The following SRSF3 variants were observed in gnomAD, a reference collection of about 807,000 sequenced individuals.
SRSF3 encodes serine/arginine-rich splicing factor 3.
For missense variants in SRSF3, 58 were observed against 217.1 expected, an observed-to-expected ratio of 0.27 and a Z score of 4.61; for synonymous variants, 87 against 73.6, an observed-to-expected ratio of 1.18 and a Z score of -0.93.
chr6:36,603,851 A>T lies in SRSF3; in HGVS notation c.*1862A>T, dbSNP rs923638915. 1.3e-5 allele frequency: 3 copies of T among 231,462 alleles called. No homozygotes were observed. The South Asian group carries it at 5.4e-4, about 42-fold the overall frequency. The allele number at this position is 231,462 out of a possible 1,614,324, so 14.3% of individuals were successfully genotyped here. The stretch of plus-strand genomic sequence containing the variant: ...TTATGTGGGCATTTTTGGGCAGTAT[A>T]TGACTTCCTTGCAGGCTCTTAAGTT... On this transcript the variant is annotated 3_prime_UTR_variant, in exon 6 of 6. Coordinates refer to ENST00000373715, the MANE Select transcript of SRSF3 (RefSeq NM_003017.5).
chr6:36,600,452 C>CA (rs1458587889), intron 3 of SRSF3: 3 of 226,342 alleles, frequency 1.3e-5, no homozygotes, highest in African/African-American at 7.0e-5. Flanking sequence ...ACTAGGCCTT[C>CA]AAGTGAAACT....
intron 1 of SRSF3, among the ~76,000 whole-genome samples, chr6:36,595,342 A>G (rs576446750): frequency 1.3e-5 from 2 of 152,368 alleles, no homozygotes; most frequent in South Asian, 2.1e-4. Flanking sequence ...TTTTAGTAGC[A>G]AATATCTCTT....
Position 36,604,009 on chromosome 6 carries a change from C to CTT in SRSF3, c.*2022_*2023dup, listed in dbSNP as rs1432806321. ...GACATACAGTCCCAGTTGGCAGTTACTTTAACCAGGAGCCCTAGCATAACC... is the reference window on the plus strand; with the variant it reads ...GACATACAGTCCCAGTTGGCAGTTACTTTTTAACCAGGAGCCCTAGCATAACC... On this transcript the variant is annotated 3_prime_UTR_variant, in exon 6 of 6. Coordinates refer to ENST00000373715, the MANE Select transcript of SRSF3 (RefSeq NM_003017.5). 81 of 230,382 alleles carry CTT rather than the reference C, an allele frequency of 3.5e-4. No homozygotes were observed. The highest frequency in any genetic ancestry group is 3.4e-5 in the Non-Finnish European group (4 of 116,438). 14.3% of individuals were successfully genotyped at this position (230,382 alleles called of 1,614,324 possible). A position where few individuals can be genotyped will look rare whatever the true frequency, so the allele number is the denominator to read the frequency against.
intron 1 of SRSF3, among the ~76,000 whole-genome samples, chr6:36,596,494 A>C (rs1487283159): frequency 3.4e-5 from 5 of 146,498 alleles, no homozygotes; most frequent in African/African-American, 1.3e-4. Context: ...GTTGTTCTCA[A>C]CGTTCCAAGG....
rs138954195 is a variant in SRSF3 at position 36,604,153 on chromosome 6, C to T, written c.*2164C>T. Reference sequence around the variant, plus strand: ...TTCCTAAAATAACAGGTCACACTAACCGGTCTTGTCCATATTCAGGGTTGA... The same window carrying T: ...TTCCTAAAATAACAGGTCACACTAATCGGTCTTGTCCATATTCAGGGTTGA... On this transcript the variant is annotated 3_prime_UTR_variant, in exon 6 of 6. Coordinates refer to ENST00000373715, the MANE Select transcript of SRSF3 (RefSeq NM_003017.5). The T allele has an allele frequency of 3.5e-3, 786 of 222,738 alleles. 5 individuals are homozygous for T. The highest frequency in any genetic ancestry group is 0.016 in the African/African-American group (722 of 44,826). 13.8% of individuals were successfully genotyped at this position (222,738 alleles called of 1,614,324 possible).
In SRSF3 at chr6:36,603,134, C is replaced by CT. The variant is rs986821498; in HGVS notation, c.*1145_*1146insT. On this transcript the variant is annotated 3_prime_UTR_variant, in exon 6 of 6. Transcript: ENST00000373715. ...AGGGTCCATAATATTTAGTGACCAA[C>CT]ATTTTAAAGTATAGCAGCAACCTGG... The CT allele has an allele frequency of 9.0e-6, 2 of 221,130 alleles. No individual in the cohort carries two copies. Among genetic ancestry groups the CT allele is most frequent in the Non-Finnish European group, 1.8e-5 (2 of 110,444 alleles). 13.7% of individuals were successfully genotyped at this position (221,130 alleles called of 1,614,324 possible). A position where few individuals can be genotyped will look rare whatever the true frequency, so the allele number is the denominator to read the frequency against.
rs1680504881 is a variant in SRSF3, at chr6:36,602,955, T to G, written c.*966T>G. 1 of 216,530 alleles carries G rather than the reference T, an allele frequency of 4.6e-6. No individual in the cohort carries two copies. Among genetic ancestry groups the G allele is most frequent in the African/African-American group, 2.3e-5 (1 of 44,366 alleles). The allele number at this position is 216,530 out of a possible 1,614,324, so 13.4% of individuals were successfully genotyped here. On this transcript the variant is annotated 3_prime_UTR_variant, in exon 6 of 6. Transcript: ENST00000373715. ...GTTGAACCCACTGTTACCATTGTTC[T>G]TATCCCATGGGAAGCAGTTGGTTAC...
intron 3 of SRSF3, 141 bp from the exon 4 acceptor site, chr6:36,601,011 T>TTTTTTTTTTTG: frequency 3.2e-6 from 1 of 308,110 alleles, no homozygotes; most frequent in Non-Finnish European, 5.4e-6. Flanking sequence ...CTTTTTTTTT[T>TTTTTTTTTTTG]TTTTTTTTTT....
intron 3 of SRSF3, 82 bp from the exon 4 acceptor site, chr6:36,601,070 A>T: frequency 8.7e-7 from 1 of 1,155,838 alleles, no homozygotes; most frequent in South Asian, 1.3e-5. Context: ...TGGGCCCAAC[A>T]GTGAGATTGA....
Position 36,596,741 on chromosome 6 carries a change from T to G in SRSF3, c.-2-20T>G. 1.2e-6 allele frequency: 2 copies of G among 1,600,620 alleles called. No individual in the cohort carries two copies. Among genetic ancestry groups the G allele is most frequent in the Non-Finnish European group, 1.7e-6 (2 of 1,168,212 alleles). On this transcript the variant is annotated intron_variant, in intron 1 of 5. Transcript: ENST00000373715. The stretch of plus-strand genomic sequence containing the variant: ...GTAGATGTTTAGATGAATGAATATT[T>G]TTGGTATTTTTCATTACAGAAATGC...
intron 1 of SRSF3, among the ~76,000 whole-genome samples, chr6:36,595,094 C>T (rs1778603721): frequency 6.6e-6 from 1 of 152,158 alleles, no homozygotes; most frequent in South Asian, 2.1e-4. Context: ...AGGGTGTGGT[C>T]ACGGCAAATA....
intron 3 of SRSF3, chr6:36,599,990 T>C: frequency 7.8e-7 from 1 of 1,282,880 alleles, no homozygotes; most frequent in Non-Finnish European, 1.0e-6. Flanking sequence ...CCGAGCATGC[T>C]GTTTTCTCTC....
At chr6:36,599,012 A>T in intron 3 of SRSF3, 29 bp downstream of exon 3, 10 of 1,612,828 alleles carry the variant, frequency 6.2e-6, no homozygotes, top group Non-Finnish European at 8.5e-6. Flanking sequence ...GTTAAGAGGT[A>T]TTGGTGTAAT....
chr6:36,595,595 CTTTT>C (rs1419546121), intron 1 of SRSF3, among the ~76,000 whole-genome samples: 4 of 152,160 alleles, frequency 2.6e-5, no homozygotes, highest in African/African-American at 9.7e-5. Flanking sequence ...GAATCGTGTA[CTTTT>C]ATGTCTGGCT....
chr6:36,597,576 G>A (rs1317211072), intron 2 of SRSF3, among the ~76,000 whole-genome samples: 1 of 152,126 alleles, frequency 6.6e-6, no homozygotes, highest in Non-Finnish European at 1.5e-5. Context: ...AGCTGGCTGA[G>A]TAAGGCCTGA....
rs369446429 is a variant in SRSF3, at chr6:36,603,599, T to C, written c.*1610T>C. 1 of 229,058 alleles carries C rather than the reference T, an allele frequency of 4.4e-6. No homozygotes were observed. The highest frequency in any genetic ancestry group is 6.3e-5 in the East Asian group (1 of 15,956). The allele number at this position is 229,058 out of a possible 1,614,324, so 14.2% of individuals were successfully genotyped here. ...TTTATTTCCACCTTTTACACAAATC[T>C]TGGGAGAATTGGTGTCAGGAAGGTT... On this transcript the variant is annotated 3_prime_UTR_variant, in exon 6 of 6. Coordinates refer to ENST00000373715, the MANE Select transcript of SRSF3 (RefSeq NM_003017.5).
In SRSF3 at chr6:36,598,992, G is replaced by A. The variant is rs764062782; in HGVS notation, c.341+9G>A. ...CCTCCACCTCGTCGCAGGTACTTGA[G>A]AGAAAGCTTGTTAAGAGGTATTGGT... On this transcript the variant is annotated intron_variant, in intron 3 of 5. Transcript: ENST00000373715. 6.2e-7 allele frequency: 1 copy of A among 1,613,944 alleles called. No individual in the cohort carries two copies. Among genetic ancestry groups the A allele is most frequent in the South Asian group, 1.1e-5 (1 of 91,064 alleles).
Position 36,602,111 on chromosome 6 carries a change from G to T in SRSF3, c.*122G>T. ...GGTGCATTTTTAAGATGTTTTAGCT[G>T]TTCAAATCTGTTTGTCTCTTGAAAC... On this transcript the variant is annotated 3_prime_UTR_variant, in exon 6 of 6. Coordinates refer to ENST00000373715, the MANE Select transcript of SRSF3 (RefSeq NM_003017.5). The T allele has an allele frequency of 6.7e-7, 1 of 1,491,520 alleles. No individual in the cohort carries two copies. Among genetic ancestry groups the T allele is most frequent in the South Asian group, 1.4e-5 (1 of 71,108 alleles). 92.4% of individuals were successfully genotyped at this position (1,491,520 alleles called of 1,614,324 possible).
intron 2 of SRSF3, among the ~76,000 whole-genome samples, chr6:36,597,779 G>A (rs1388344215): frequency 6.8e-6 from 1 of 148,012 alleles, no homozygotes; most frequent in Non-Finnish European, 1.5e-5. Context: ...ATGACTGGTT[G>A]TATTAAGGGT....
Sources: gnomAD v4.1 joint callset for allele counts (sites outside exome capture counted in the v4.1 genomes callset) on GRCh38, gnomAD v4.1.1 for gene constraint, MANE v1.5 for transcripts, NCBI Gene and HGNC (gene_info 2026-07-23, HGNC 2026-07-21) for gene names.